The following PCLAF variants were observed in gnomAD, a reference collection of about 807,000 sequenced individuals.
The protein encoded by PCLAF is PCNA-associated factor.
In PCLAF, 12 loss-of-function variants were observed where a neutral mutation model predicts 15.1. That is an observed-to-expected ratio of 0.79 (90% CI 0.51 to 1.29). The LOEUF (loss-of-function observed/expected upper bound fraction) is 1.29. Among genes scored for constraint, PCLAF ranks in the 50% most tolerant of loss-of-function variants. The pLI, the probability that PCLAF is intolerant of heterozygous loss-of-function variation, is 0.00. For missense variants in PCLAF, 116 were observed against 130.9 expected, an observed-to-expected ratio of 0.89 and a Z score of 0.56; for synonymous variants, 33 against 47.1, an observed-to-expected ratio of 0.70 and a Z score of 1.22.
rs1899457702 is a variant in PCLAF at position 64,373,733 on chromosome 15, G to A, written c.290+3010C>T. 11 of 1,535,726 alleles carry A rather than the reference G, an allele frequency of 7.2e-6. 1 individual carries two copies. The African/African-American group carries it at 9.6e-5, about 13-fold the overall frequency. Reference sequence around the variant, plus strand: ...CAGTGTGCCGTGTGTCCAGCTTGCTGCTCAGTGTGCTGGAGGATGGGTGGC... The same window carrying A: ...CAGTGTGCCGTGTGTCCAGCTTGCTACTCAGTGTGCTGGAGGATGGGTGGC... On this transcript the variant is annotated intron_variant, in intron 3 of 3. Coordinates refer to ENST00000300035, the MANE Select transcript of PCLAF (RefSeq NM_014736.6).
chr15:64,369,363 TAAAAAAAAAAAAAA>T (rs72110519), intron 3 of PCLAF, among the ~76,000 whole-genome samples: 1 of 94,728 alleles, frequency 1.1e-5, no homozygotes, highest in Non-Finnish European at 2.0e-5. Flanking sequence ...CCTGTCTCTT[TAAAAAAAAAAAAAA>T]AAAAAAAAAA....
Position 64,365,735 on chromosome 15 carries a change from A to G in PCLAF, c.*295T>C. 2.9e-6 allele frequency: 1 copy of G among 342,308 alleles called. No individual in the cohort carries two copies. The allele number at this position is 342,308 out of a possible 1,614,324, so 21.2% of individuals were successfully genotyped here. A position where few individuals can be genotyped will look rare whatever the true frequency, so the allele number is the denominator to read the frequency against. On this transcript the variant is annotated 3_prime_UTR_variant, in exon 4 of 4. Coordinates refer to ENST00000300035, the MANE Select transcript of PCLAF (RefSeq NM_014736.6). The stretch of plus-strand genomic sequence containing the variant: ...ACAATCTAAGCAAATCTCAAATACA[A>G]CATACTTGTAATTAGAACACAATGC...
At chr15:64,386,619 AGTGTGT>A (rs35727456) in intron 1 of PCLAF, among the ~76,000 whole-genome samples, 8 of 146,314 alleles carry the variant, frequency 5.5e-5, no homozygotes, top group South Asian at 2.2e-4. Flanking sequence ...CACCACGCCC[AGTGTGT>A]GTGTGTGTGT....
chr15:64,379,962 T>A lies in PCLAF; in HGVS notation c.127+996A>T, dbSNP rs1033937418. Among the ~76,000 whole-genome samples the A allele has an allele frequency of 1.9e-4, 24 of 124,562 alleles. 1 individual carries two copies. The highest frequency in any genetic ancestry group is 1.4e-3 in the South Asian group (6 of 4,178). The allele number at this position is 124,562 out of a possible 152,430, so 81.7% of individuals were successfully genotyped here. A position where few individuals can be genotyped will look rare whatever the true frequency, so the allele number is the denominator to read the frequency against. On this transcript the variant is annotated intron_variant, in intron 2 of 3. Coordinates refer to ENST00000300035, the MANE Select transcript of PCLAF (RefSeq NM_014736.6). ...AAACAAGCAAACAAAAACAAAAACA[T>A]TTTTATTAAAGTTTAGTAGACATTG...
chr15:64,372,885 T>C (rs1899401251), intron 3 of PCLAF, among the ~76,000 whole-genome samples: 1 of 151,938 alleles, frequency 6.6e-6, no homozygotes, highest in Non-Finnish European at 1.5e-5. Context: ...AAAAATCGCT[T>C]GAACCCAGGA....
Position 64,369,297 on chromosome 15 carries a change from G to T in PCLAF, c.291-3222C>A, listed in dbSNP as rs147482413. Among the ~76,000 whole-genome samples the T allele has an allele frequency of 4.9e-5, 7 of 142,516 alleles. No homozygotes were observed. The East Asian group carries it at 1.4e-3, about 29-fold the overall frequency. The allele number at this position is 142,516 out of a possible 152,430, so 93.5% of individuals were successfully genotyped here. A position where few individuals can be genotyped will look rare whatever the true frequency, so the allele number is the denominator to read the frequency against. On this transcript the variant is annotated intron_variant, in intron 3 of 3. Coordinates refer to ENST00000300035, the MANE Select transcript of PCLAF (RefSeq NM_014736.6). ...AATTGCTTGAGTACAAGAGGTCAAGGCTACAGCGAGCTATGATCTCACCAC... is the reference window on the plus strand; with the variant it reads ...AATTGCTTGAGTACAAGAGGTCAAGTCTACAGCGAGCTATGATCTCACCAC...
intron 2 of PCLAF, among the ~76,000 whole-genome samples, chr15:64,377,500 T>A (rs1159777981): frequency 0.22 from 5,023 of 23,244 alleles, 913 homozygotes; most frequent in Non-Finnish European, 0.27. Flanking sequence ...TATATATATA[T>A]ATATATATAT....
rs542683866 is a variant in PCLAF, at chr15:64,375,788, G to A, written c.290+955C>T. Among the ~76,000 whole-genome samples the A allele has an allele frequency of 4.6e-5, 7 of 152,276 alleles. No individual in the cohort carries two copies. In the East Asian group the frequency reaches 7.7e-4, roughly 17 times the overall value. On this transcript the variant is annotated intron_variant, in intron 3 of 3. Transcript: ENST00000300035. The stretch of plus-strand genomic sequence containing the variant: ...TATAAGCCAACAAGGAAATTGCCTT[G>A]TAAGAAAAGCCTAAAGGAAAAAGAC...
chr15:64,372,350 C>T (rs1046080350), intron 3 of PCLAF, among the ~76,000 whole-genome samples: 1 of 152,300 alleles, frequency 6.6e-6, no homozygotes, highest in Middle Eastern at 3.4e-3. Flanking sequence ...TGCGATGGCT[C>T]ACACCTGTAA....
At chr15:64,378,371 T>C (rs1217354777) in intron 2 of PCLAF, among the ~76,000 whole-genome samples, 1 of 152,200 alleles carries the variant, frequency 6.6e-6, no homozygotes, top group African/African-American at 2.4e-5. Context: ...CAACTCTAGT[T>C]GTTAAAGAAT....
chr15:64,381,191 G>A lies in PCLAF; in HGVS notation c.46+135C>T, dbSNP rs960767839. On this transcript the variant is annotated intron_variant, in intron 1 of 3. Coordinates refer to ENST00000300035, the MANE Select transcript of PCLAF (RefSeq NM_014736.6). ...TGCGACTTCCTCTTCTAGGTAAAGGGGCCAGGCGGCTACTCCCTGGCTAGC... is the reference window on the plus strand; with the variant it reads ...TGCGACTTCCTCTTCTAGGTAAAGGAGCCAGGCGGCTACTCCCTGGCTAGC... 4.4e-5 allele frequency: 54 copies of A among 1,219,566 alleles called. No homozygotes were observed. In the South Asian group the frequency reaches 6.6e-4, roughly 15 times the overall value. The allele number at this position is 1,219,566 out of a possible 1,614,324, so 75.5% of individuals were successfully genotyped here. A position where few individuals can be genotyped will look rare whatever the true frequency, so the allele number is the denominator to read the frequency against.
chr15:64,380,806 C>T, intron 2 of PCLAF, 152 bp downstream of exon 2: 1 of 620,486 alleles, frequency 1.6e-6, no homozygotes, highest in Non-Finnish European at 2.8e-6. Flanking sequence ...CCACCTCTAC[C>T]CTAGCCGGCC....
chr15:64,376,960 C>T (rs1278188665), intron 2 of PCLAF, 55 bp from the exon 3 acceptor site: 3 of 1,375,326 alleles, frequency 2.2e-6, no homozygotes, highest in Middle Eastern at 1.9e-4. Flanking sequence ...AATCTCTATT[C>T]CTTAAACAAC....
At chr15:64,385,020 T>C (rs893685096), upstream of PCLAF, among the ~76,000 whole-genome samples, 6 of 151,994 alleles carry the variant, frequency 3.9e-5, no homozygotes, top group Admixed American at 6.6e-5. Context: ...TCCAAGTAGC[T>C]GGGAACACAG....
chr15:64,374,485 G>A (rs1899510278), intron 3 of PCLAF, among the ~76,000 whole-genome samples: 1 of 151,768 alleles, frequency 6.6e-6, no homozygotes, highest in African/African-American at 2.4e-5. Flanking sequence ...GTTGCAGTGA[G>A]CCGAGATTGC....
chr15:64,376,009 AAAGTC>A (rs1039663317), intron 3 of PCLAF, among the ~76,000 whole-genome samples: 6 of 152,302 alleles, frequency 3.9e-5, no homozygotes, highest in Admixed American at 3.3e-4. Context: ...GGTAGATCAC[AAAGTC>A]AAGAGTTCAA....
At chr15:64,379,166 T>C (rs990776619) in intron 2 of PCLAF, among the ~76,000 whole-genome samples, 3 of 151,920 alleles carry the variant, frequency 2.0e-5, no homozygotes, top group Non-Finnish European at 2.9e-5. Context: ...GACCAGACGA[T>C]GAGATGCGGC....
In PCLAF at chr15:64,365,416, T is replaced by G. The variant is rs1898990655; in HGVS notation, c.*614A>C. The G allele has an allele frequency of 6.5e-6, 1 of 153,332 alleles. No homozygotes were observed. Among genetic ancestry groups the G allele is most frequent in the Non-Finnish European group, 1.5e-5 (1 of 68,918 alleles). The allele number at this position is 153,332 out of a possible 1,614,324, so 9.5% of individuals were successfully genotyped here. A position where few individuals can be genotyped will look rare whatever the true frequency, so the allele number is the denominator to read the frequency against. ...TGAGAAGCCACTGTGCCCACCATGA[T>G]TCTATCCTAGTATTTTATCTTTTTT... On this transcript the variant is annotated 3_prime_UTR_variant, in exon 4 of 4. Coordinates refer to ENST00000300035, the MANE Select transcript of PCLAF (RefSeq NM_014736.6).
At chr15:64,378,296 AT>A (rs1899697830) in intron 2 of PCLAF, among the ~76,000 whole-genome samples, 2 of 152,272 alleles carry the variant, frequency 1.3e-5, no homozygotes, top group African/African-American at 4.8e-5. Flanking sequence ...TTATAAAGTA[AT>A]GACCAGGAAC....
Sources: allele counts gnomAD v4.1 joint callset (sites outside exome capture counted in the v4.1 genomes callset), GRCh38; gene constraint gnomAD v4.1.1; transcripts MANE v1.5; gene names NCBI Gene and HGNC (gene_info 2026-07-23, HGNC 2026-07-21).